The following CHRM3 variants were observed in gnomAD, a reference collection of about 807,000 sequenced individuals.
The protein encoded by CHRM3 is cholinergic receptor muscarinic 3.
Under a neutral mutation model 41.8 loss-of-function variants are expected in CHRM3, and 11 were observed. The ratio of observed to expected loss-of-function variants is 0.26; its 90% CI spans 0.17 to 0.44. The LOEUF (loss-of-function observed/expected upper bound fraction) is 0.44. CHRM3 is among the 20% of genes least tolerant of loss of function. The pLI is 1.00. For missense variants in CHRM3, 571 were observed against 745.4 expected (o/e 0.77, Z 2.72); for synonymous variants, 297 against 301.4 (o/e 0.99, Z 0.15).
chr1:239,798,355 G>A (rs1440982928), intron 5 of CHRM3, among the ~76,000 whole-genome samples: 3 of 152,118 alleles, frequency 2.0e-5, no homozygotes, highest in African/African-American at 7.2e-5. Flanking sequence ...GGCAGGGTTG[G>A]CACCCCTAAT....
chr1:239,732,968 T>C (rs1664085528), intron 5 of CHRM3, among the ~76,000 whole-genome samples: 1 of 152,028 alleles, frequency 6.6e-6, no homozygotes, highest in Admixed American at 6.6e-5. Flanking sequence ...ATACCTAATA[T>C]CTCATTTTGT....
chr1:239,593,563 AT>A (rs1173890733), intron 3 of CHRM3, among the ~76,000 whole-genome samples: 2 of 152,190 alleles, frequency 1.3e-5, no homozygotes, highest in African/African-American at 2.4e-5. Flanking sequence ...GTCATTCAAT[AT>A]TTAGTTCACA....
At chr1:239,590,886 G>GCTTCTT (rs1664054987) in intron 3 of CHRM3, among the ~76,000 whole-genome samples, 6 of 152,104 alleles carry the variant, frequency 3.9e-5, no homozygotes, top group Non-Finnish European at 8.8e-5. Flanking sequence ...AAAAAAGAAG[G>GCTTCTT]TCTGAGGATT....
intron 3 of CHRM3, among the ~76,000 whole-genome samples, chr1:239,591,141 C>T (rs1296976810): frequency 6.6e-6 from 1 of 152,104 alleles, no homozygotes; most frequent in Non-Finnish European, 1.5e-5. Context: ...CTAGGCTAGC[C>T]CTGGCCTTCT....
intron 4 of CHRM3, among the ~76,000 whole-genome samples, chr1:239,661,476 G>T (rs139851211): frequency 1.5e-3 from 222 of 152,242 alleles, no homozygotes; most frequent in African/African-American, 5.0e-3. Context: ...GGAATATTTA[G>T]CAATAAAAAG....
At chr1:239,403,831 T>C (rs899766585) in intron 1 of CHRM3, among the ~76,000 whole-genome samples, 4 of 151,458 alleles carry the variant, frequency 2.6e-5, no homozygotes, top group African/African-American at 4.9e-5. Flanking sequence ...GCAGACCAGC[T>C]GAATAAAAAT....
At chr1:239,758,086 C>T (rs923672003) in intron 5 of CHRM3, among the ~76,000 whole-genome samples, 1 of 152,176 alleles carries the variant, frequency 6.6e-6, no homozygotes, top group Non-Finnish European at 1.5e-5. Context: ...CACTAAATAC[C>T]TTATACAACT....
chr1:239,475,552 T>C (rs943022822), intron 1 of CHRM3, among the ~76,000 whole-genome samples: 3 of 152,114 alleles, frequency 2.0e-5, no homozygotes, highest in African/African-American at 7.2e-5. Flanking sequence ...GTAAATCTAA[T>C]GTAGTATCCT....
At chr1:239,484,680 CAG>C (rs1310780607) in intron 1 of CHRM3, among the ~76,000 whole-genome samples, 2 of 152,032 alleles carry the variant, frequency 1.3e-5, no homozygotes, top group Non-Finnish European at 2.9e-5. Context: ...GTCTGGGCAA[CAG>C]AGCAAATCTT....
At position 239,711,368 on chromosome 1, in the gene CHRM3, A is replaced by T. The variant is rs140679386; in HGVS notation, c.-147+33080A>T. Among the ~76,000 whole-genome samples the T allele has an allele frequency of 2.9e-3, 440 of 152,146 alleles. 1 individual carries two copies. The highest frequency in any genetic ancestry group is 0.01 in the African/African-American group (416 of 41,524). ...CAGAGTTTACTCCTGCTCAGTCCCC[A>T]GTGTCTGCACTCCTCTTTCCATGTG... On this transcript the variant is annotated intron_variant, in intron 5 of 6. Coordinates refer to ENST00000676153, the MANE Select transcript of CHRM3 (RefSeq NM_001375978.1).
chr1:239,397,687 TTA>T (rs35998550), intron 1 of CHRM3, among the ~76,000 whole-genome samples: 135,959 of 144,392 alleles, frequency 0.94, 64,521 homozygotes, highest in Non-Finnish European at 1. Flanking sequence ...ATACATGTAT[TTA>T]TATATATATA....
chr1:239,504,063 G>T (rs563319141), intron 2 of CHRM3, among the ~76,000 whole-genome samples: 21 of 151,926 alleles, frequency 1.4e-4, no homozygotes, highest in African/African-American at 4.8e-4. Context: ...AAAAATATTT[G>T]GGACTTAAAC....
intron 6 of CHRM3, among the ~76,000 whole-genome samples, chr1:239,830,959 T>C (rs560150456): frequency 6.6e-6 from 1 of 152,238 alleles, no homozygotes; most frequent in African/African-American, 2.4e-5. Flanking sequence ...ATTCATTCCA[T>C]GAGATTTTCA....
chr1:239,797,598 C>T (rs1480489602), intron 5 of CHRM3, among the ~76,000 whole-genome samples: 1 of 152,100 alleles, frequency 6.6e-6, no homozygotes, highest in Non-Finnish European at 1.5e-5. Flanking sequence ...CTGCCTCGTT[C>T]GTTCCCCATC....
At chr1:239,412,446 G>A (rs1460457791) in intron 1 of CHRM3, among the ~76,000 whole-genome samples, 1 of 146,242 alleles carries the variant, frequency 6.8e-6, no homozygotes, top group Non-Finnish European at 1.5e-5. Context: ...CGATAGTCTT[G>A]GGGTTTCCTT....
intron 5 of CHRM3, among the ~76,000 whole-genome samples, chr1:239,806,103 T>C (rs982859808): frequency 6.6e-6 from 1 of 152,206 alleles, no homozygotes; most frequent in African/African-American, 2.4e-5. Context: ...CACTCCTGGC[T>C]GAAAATCCCT....
At chr1:239,476,295 G>A (rs779653235) in intron 1 of CHRM3, among the ~76,000 whole-genome samples, 12 of 151,936 alleles carry the variant, frequency 7.9e-5, no homozygotes, top group African/African-American at 1.7e-4. Flanking sequence ...GCGAAACCCC[G>A]TCTCTACTAA....
chr1:239,575,094 A>C (rs1484040312), intron 3 of CHRM3, among the ~76,000 whole-genome samples: 1 of 152,222 alleles, frequency 6.6e-6, no homozygotes, highest in South Asian at 2.1e-4. Flanking sequence ...TTTAAATCTC[A>C]TACATCCTAT....
At chr1:239,731,366 T>C (rs574804301) in intron 5 of CHRM3, among the ~76,000 whole-genome samples, 3 of 151,970 alleles carry the variant, frequency 2.0e-5, no homozygotes, top group East Asian at 3.9e-4. Context: ...AAGAGATGAA[T>C]AGAGGAAGAA....
Sources: gnomAD v4.1 joint callset for allele counts (sites outside exome capture counted in the v4.1 genomes callset) on GRCh38, gnomAD v4.1.1 for gene constraint, MANE v1.5 for transcripts, NCBI Gene and HGNC (gene_info 2026-07-23, HGNC 2026-07-21) for gene names.